The following LRTM3 variants were observed in gnomAD, a reference collection of about 807,000 sequenced individuals.
The protein encoded by LRTM3 is leucine rich repeat transmembrane protein 3.
chr13:102,741,775 G>A, the LRTM3 span: 2 of 1,550,336 alleles, frequency 1.3e-6, no homozygotes, highest in East Asian at 2.4e-5. Context: ...GTTTGGCAAT[G>A]CCCACATCTT....
At chr13:102,745,758 T>C in the LRTM3 span, 4 of 1,551,204 alleles carry the variant, frequency 2.6e-6, no homozygotes, top group Non-Finnish European at 3.5e-6. Context: ...GCATAAAATA[T>C]GATTTCATCA....
chr13:102,741,153 T>C, the LRTM3 span: 1 of 1,549,132 alleles, frequency 6.5e-7, no homozygotes. Context: ...TAATAATTAC[T>C]TAGATGCTTC....
chr13:102,749,661 C>T, the LRTM3 span: 28 of 1,551,290 alleles, frequency 1.8e-5, no homozygotes, highest in Non-Finnish European at 3.5e-6. Context: ...TTCTTCATCA[C>T]ATCTTCAGGC....
chr13:102,733,043 C>T, the LRTM3 span: 8 of 1,551,434 alleles, frequency 5.2e-6, no homozygotes, highest in Non-Finnish European at 6.1e-6. Flanking sequence ...CATGTGTATT[C>T]CTGGTAGCAT....
At chr13:102,735,587 A>G in the LRTM3 span, 3 of 1,551,028 alleles carry the variant, frequency 1.9e-6, no homozygotes, top group Non-Finnish European at 2.6e-6. Flanking sequence ...TGAGAGTAGT[A>G]ATTGCTTTGC....
the LRTM3 span, chr13:102,736,518 C>T: frequency 1.3e-6 from 2 of 1,551,124 alleles, no homozygotes; most frequent in East Asian, 2.4e-5. Context: ...TCCTGGATCT[C>T]AAGATGTGGC....
chr13:102,742,387 C>A, the LRTM3 span: 15 of 1,546,430 alleles, frequency 9.7e-6, no homozygotes, highest in Non-Finnish European at 1.3e-5. Flanking sequence ...TAGGATAACT[C>A]CAGATAGTTC....
chr13:102,757,794 A>T, the LRTM3 span, among the ~76,000 whole-genome samples: 2 of 152,188 alleles, frequency 1.3e-5, no homozygotes, highest in Non-Finnish European at 2.9e-5. Flanking sequence ...ACTTTCCTGT[A>T]TGTATACATC....
the LRTM3 span, among the ~76,000 whole-genome samples, chr13:102,753,980 G>A: frequency 0.71 from 107,705 of 151,970 alleles, 39,610 homozygotes; most frequent in South Asian, 0.84. Flanking sequence ...GGAGGCCGAA[G>A]CAGGTGGATC....
the LRTM3 span, chr13:102,741,097 C>G: frequency 6.5e-7 from 1 of 1,549,992 alleles, no homozygotes; most frequent in Non-Finnish European, 8.7e-7. Flanking sequence ...AAAGTTGATG[C>G]AATATGCAAG....
At chr13:102,734,784 A>C in the LRTM3 span, 2 of 1,551,002 alleles carry the variant, frequency 1.3e-6, no homozygotes, top group Non-Finnish European at 1.7e-6. Flanking sequence ...AATGAAGTAG[A>C]TTTGGTCAGA....
the LRTM3 span, chr13:102,736,695 C>A: frequency 2.6e-6 from 4 of 1,550,492 alleles, no homozygotes; most frequent in Non-Finnish European, 3.5e-6. Flanking sequence ...ACCTGCAGTT[C>A]CTTTGTTTTT....
the LRTM3 span, chr13:102,737,262 G>C: frequency 6.4e-7 from 1 of 1,551,114 alleles, no homozygotes. Context: ...GACTTTGTAT[G>C]TGCTATTTTC....
At chr13:102,756,231 C>T in the LRTM3 span, among the ~76,000 whole-genome samples, 5 of 149,702 alleles carry the variant, frequency 3.3e-5, no homozygotes, top group Non-Finnish European at 7.4e-5. Context: ...GGATTACAGG[C>T]GTGAGCCACC....
chr13:102,732,112 C>G, the LRTM3 span: 2 of 1,551,092 alleles, frequency 1.3e-6, no homozygotes, highest in Non-Finnish European at 1.7e-6. Context: ...AATTCTGTTC[C>G]CCTTTTACAA....
At chr13:102,731,755 T>G in the LRTM3 span, 16 of 1,551,300 alleles carry the variant, frequency 1.0e-5, no homozygotes, top group Non-Finnish European at 1.4e-5. Context: ...GCACAGTTCC[T>G]GGGAAAGCTT....
chr13:102,744,389 C>T, the LRTM3 span: 1 of 1,550,138 alleles, frequency 6.5e-7, no homozygotes, highest in South Asian at 1.2e-5. Context: ...ATCCCATTTC[C>T]TTCTAGGATT....
the LRTM3 span, chr13:102,747,588 T>C: frequency 1.3e-6 from 2 of 1,551,192 alleles, no homozygotes; most frequent in Non-Finnish European, 1.7e-6. Context: ...GCAATATGAC[T>C]ATCCGTTGTC....
the LRTM3 span, among the ~76,000 whole-genome samples, chr13:102,756,806 T>C: frequency 6.6e-6 from 1 of 151,858 alleles, no homozygotes; most frequent in Non-Finnish European, 1.5e-5. Context: ...ATATCTTTTC[T>C]CTAATCCTTT....
Sources: allele counts gnomAD v4.1 joint callset (sites outside exome capture counted in the v4.1 genomes callset), GRCh38; gene constraint gnomAD v4.1.1; transcripts MANE v1.5; gene names NCBI Gene and HGNC (gene_info 2026-07-23, HGNC 2026-07-21).